SASH1: variants seen among roughly 807,000 people sequenced by gnomAD.
The protein encoded by SASH1 is SAM and SH3 domain-containing protein 1.
In SASH1, 44 loss-of-function variants were observed where a neutral mutation model predicts 125.2. The observed-to-expected ratio is 0.35, with a 90% CI of 0.28 to 0.45. SASH1 has a LOEUF of 0.45. SASH1 is among the 20% of genes least tolerant of loss of function. The pLI is 1.00. For synonymous variants in SASH1, 639 were observed against 649.1 expected, an observed-to-expected ratio of 0.98 and a Z score of 0.24; for missense variants, 1,426 against 1,614.5, an observed-to-expected ratio of 0.88 and a Z score of 2.00.
At chr6:148,200,638 T>G in the SASH1 span, among the ~76,000 whole-genome samples, 1 of 152,248 alleles carries the variant, frequency 6.6e-6, no homozygotes, top group African/African-American at 2.4e-5. Flanking sequence ...GTTATTTTAA[T>G]GAAAGAATTC....
chr6:148,451,999 T>C (rs1224225535), intron 4 of SASH1, among the ~76,000 whole-genome samples: 2 of 152,104 alleles, frequency 1.3e-5, no homozygotes, highest in East Asian at 3.9e-4. Context: ...GGCATGCCCT[T>C]CAGAGTGGGT....
chr6:148,368,762 A>ACG (rs781320365), intron 1 of SASH1, among the ~76,000 whole-genome samples: 10 of 131,466 alleles, frequency 7.6e-5, no homozygotes, highest in East Asian at 7.2e-4. Flanking sequence ...ATGCGCGCGC[A>ACG]CGCGCGCGCA....
intron 8 of SASH1, chr6:148,508,359 TTCAG>T (rs1332312725): frequency 2.2e-6 from 1 of 449,686 alleles, no homozygotes; most frequent in East Asian, 1.6e-4. Context: ...TTTTTTTAAG[TTCAG>T]TCACTTTTAA....
intron 1 of SASH1, among the ~76,000 whole-genome samples, chr6:148,336,778 T>C (rs1781169317): frequency 6.6e-6 from 1 of 151,740 alleles, no homozygotes; most frequent in Non-Finnish European, 1.5e-5. Flanking sequence ...AGTTCTGTTT[T>C]TCTGTAATAC....
chr6:148,540,088 T>G (rs1782126999), intron 16 of SASH1, among the ~76,000 whole-genome samples: 1 of 152,160 alleles, frequency 6.6e-6, no homozygotes, highest in African/African-American at 2.4e-5. Flanking sequence ...TGCTTCTCCT[T>G]GATGGTGCCA....
At chr6:148,203,830 C>A in the SASH1 span, among the ~76,000 whole-genome samples, 8 of 152,176 alleles carry the variant, frequency 5.3e-5, no homozygotes, top group Non-Finnish European at 7.3e-5. Context: ...CCATTAGGTT[C>A]TTTATTAATA....
chr6:148,485,233 G>A (rs1183483966), intron 7 of SASH1, among the ~76,000 whole-genome samples: 5 of 152,026 alleles, frequency 3.3e-5, no homozygotes, highest in African/African-American at 9.7e-5. Flanking sequence ...ATTTTCCAAC[G>A]GGCAGATACT....
chr6:148,487,342 CA>C (rs1778921406), intron 7 of SASH1, among the ~76,000 whole-genome samples: 2 of 151,914 alleles, frequency 1.3e-5, no homozygotes, highest in African/African-American at 2.4e-5. Flanking sequence ...ACACAGGATA[CA>C]AAGAGTCCAT....
chr6:148,283,485 AT>A (rs1203054582), intron 1 of SASH1: 1 of 151,874 alleles, frequency 6.6e-6, no homozygotes, highest in Non-Finnish European at 1.5e-5. Context: ...GAACAAGAGT[AT>A]TCCGGCTGGG....
In SASH1 at chr6:148,415,104, G is replaced by A. The variant is rs1281721783; in HGVS notation, c.285+24842G>A. On this transcript the variant is annotated intron_variant, in intron 2 of 19. Transcript: ENST00000367467. ...CACAGTATTTTCTTATTTTTATGAT[G>A]ACAAATGAGTAGGGCTTCCATTGAC... is the stretch of plus-strand genomic sequence containing the variant. Among the ~76,000 whole-genome samples, 3 of 152,172 alleles carry A rather than the reference G, an allele frequency of 2.0e-5. No homozygotes were observed. In the South Asian group the frequency reaches 6.2e-4, roughly 32 times the overall value.
chr6:148,256,561 G>A, the SASH1 span, among the ~76,000 whole-genome samples: 1 of 152,148 alleles, frequency 6.6e-6, no homozygotes, highest in Non-Finnish European at 1.5e-5. Context: ...TTTTCAAAGT[G>A]TCTCATGTTA....
In SASH1 at chr6:148,428,629, C is replaced by CAAAAA. The variant is rs369165377; in HGVS notation, c.286-11546_286-11542dup. ...GAGCCACAAGAGTGAAACTTTATCT[C>CAAAAA]AAAAAAAAAAAAAGAGAATATAAAC... On this transcript the variant is annotated intron_variant, in intron 2 of 19. Transcript: ENST00000367467. Among the ~76,000 whole-genome samples the CAAAAA allele has an allele frequency of 2.4e-4, 20 of 81,798 alleles. 2 individuals carry two copies. Among genetic ancestry groups the CAAAAA allele is most frequent in the African/African-American group, 7.7e-4 (16 of 20,712 alleles). The allele number at this position is 81,798 out of a possible 152,430, so 53.7% of individuals were successfully genotyped here.
At chr6:148,401,402 G>A (rs1784164829) in intron 2 of SASH1, among the ~76,000 whole-genome samples, 1 of 152,014 alleles carries the variant, frequency 6.6e-6, no homozygotes, top group Non-Finnish European at 1.5e-5. Context: ...CTTTCCCTTA[G>A]TGTTTCACTG....
At chr6:148,491,154 C>G (rs1231832459) in intron 8 of SASH1, among the ~76,000 whole-genome samples, 1 of 152,224 alleles carries the variant, frequency 6.6e-6, no homozygotes, top group Non-Finnish European at 1.5e-5. Flanking sequence ...GTACATATTT[C>G]AGCCTCCTTG....
At position 148,519,286 on chromosome 6, in the gene SASH1, CG is replaced by C. The variant is rs1429995917; in HGVS notation, c.863-259del. ...TTATGGCTAGCTTAGATTTTGCAAACGGCATTTTAAATACGCCTGTGAAGGT... is the reference window on the plus strand; with the variant it reads ...TTATGGCTAGCTTAGATTTTGCAAACGCATTTTAAATACGCCTGTGAAGGT... On this transcript the variant is annotated intron_variant, in intron 9 of 19. Coordinates refer to ENST00000367467, the MANE Select transcript of SASH1 (RefSeq NM_015278.5). This position sits in a 1 kb window ranked among gnomAD's most constrained non-coding sequence, Gnocchi z 4.8. Among the ~76,000 whole-genome samples, 1 of 152,088 alleles carries C rather than the reference CG, an allele frequency of 6.6e-6. No homozygotes were observed. Among genetic ancestry groups the C allele is most frequent in the Non-Finnish European group, 1.5e-5 (1 of 68,028 alleles).
intron 1 of SASH1, among the ~76,000 whole-genome samples, chr6:148,348,131 C>G (rs1419982833): frequency 6.6e-6 from 1 of 152,124 alleles, no homozygotes; most frequent in East Asian, 1.9e-4. Context: ...CTCAGCCTCC[C>G]AAGTAGCTGG....
At chr6:148,249,374 G>C in the SASH1 span, among the ~76,000 whole-genome samples, 1 of 152,048 alleles carries the variant, frequency 6.6e-6, no homozygotes, top group Admixed American at 6.6e-5. Context: ...TGCGCACGTG[G>C]GCTGATAGGG....
chr6:148,242,228 G>T, the SASH1 span, among the ~76,000 whole-genome samples: 1 of 152,174 alleles, frequency 6.6e-6, no homozygotes, highest in Non-Finnish European at 1.5e-5. Flanking sequence ...TAAGTAACAA[G>T]CTAAAATAAA....
intron 7 of SASH1, among the ~76,000 whole-genome samples, chr6:148,486,983 ATATATATATATGTATTTGCT>A (rs1778886939): frequency 6.0e-5 from 3 of 50,028 alleles, no homozygotes; most frequent in African/African-American, 2.0e-4. Context: ...ATATATATAT[ATATATATATATGTATTTGCT>A]TATATATATG....
Sources: allele counts gnomAD v4.1 joint callset (sites outside exome capture counted in the v4.1 genomes callset), GRCh38; gene constraint gnomAD v4.1.1; non-coding constraint Gnocchi (gnomAD v3.1); transcripts MANE v1.5; gene names NCBI Gene and HGNC (gene_info 2026-07-23, HGNC 2026-07-21).